SEM1: variants seen among roughly 807,000 people sequenced by gnomAD.
SEM1 encodes the protein 26S proteasome complex subunit SEM1.
In SEM1, 3 loss-of-function variants were observed where a neutral mutation model predicts 12.7. That is an observed-to-expected ratio of 0.24 (90% CI 0.11 to 0.61). SEM1 has a LOEUF of 0.61. SEM1 is among the 20% of genes least tolerant of loss of function. The probability of loss-of-function intolerance (pLI) is 0.88; values close to 1 mark genes in which losing one functional copy is unlikely to be tolerated. For missense variants in SEM1, 59 were observed against 81.3 expected (o/e 0.73, Z 1.06); for synonymous variants, 30 against 27.8 (o/e 1.08, Z -0.25).
intron 2 of SEM1, among the ~76,000 whole-genome samples, chr7:96,578,096 A>G (rs756979579): frequency 6.6e-6 from 1 of 152,148 alleles, no homozygotes; most frequent in Non-Finnish European, 1.5e-5. Flanking sequence ...AGACTTTAAC[A>G]GCTGATTGGA....
intron 2 of SEM1, among the ~76,000 whole-genome samples, chr7:96,557,840 C>G (rs539371896): frequency 2.6e-5 from 4 of 152,274 alleles, no homozygotes; most frequent in South Asian, 2.1e-4. Flanking sequence ...AGCAATCAGC[C>G]AGGCTCCGTG....
chr7:96,593,204 AAG>A (rs1200656208), intron 2 of SEM1, among the ~76,000 whole-genome samples: 3 of 152,052 alleles, frequency 2.0e-5, no homozygotes, highest in Non-Finnish European at 4.4e-5. Flanking sequence ...GGTTATGTAA[AAG>A]AGTGCATTCT....
chr7:96,558,349 C>T (rs1311055054), intron 2 of SEM1: 1 of 152,232 alleles, frequency 6.6e-6, no homozygotes, highest in Non-Finnish European at 1.5e-5. Context: ...GGGTGTTACA[C>T]ATGTGAGAAT....
chr7:96,650,682 G>GCACACA (rs112166466), intron 2 of SEM1, among the ~76,000 whole-genome samples: 32 of 151,552 alleles, frequency 2.1e-4, no homozygotes, highest in African/African-American at 7.3e-4. Context: ...ACACAGATGC[G>GCACACA]CGCACACACA....
intron 2 of SEM1, among the ~76,000 whole-genome samples, chr7:96,580,347 A>C (rs1236278509): frequency 6.8e-6 from 1 of 148,144 alleles, no homozygotes; most frequent in Non-Finnish European, 1.5e-5. Flanking sequence ...TATGTGCCAC[A>C]TTTTCTTAAT....
At chr7:96,620,419 C>T (rs375672138), downstream of SEM1, among the ~76,000 whole-genome samples, 66 of 152,298 alleles carry the variant, frequency 4.3e-4, 1 homozygote, top group East Asian at 3.1e-3. Context: ...GAATGGTGCC[C>T]AGCTGAGGCT....
At chr7:96,484,036 C>T in intron 3 of SEM1, 1 of 1,425,202 alleles carries the variant, frequency 7.0e-7, no homozygotes, top group Non-Finnish European at 9.3e-7. Context: ...CATTTGATTA[C>T]ACTTCATGCA....
At chr7:96,643,412 C>G (rs1808679457) in intron 2 of SEM1, among the ~76,000 whole-genome samples, 1 of 151,890 alleles carries the variant, frequency 6.6e-6, no homozygotes, top group Admixed American at 6.6e-5. Flanking sequence ...AGTTTTGTTA[C>G]ATAGGTATAC....
chr7:96,618,396 G>A (rs1036767900), downstream of SEM1, among the ~76,000 whole-genome samples: 1 of 152,112 alleles, frequency 6.6e-6, no homozygotes, highest in African/African-American at 2.4e-5. Flanking sequence ...TACTTGCCTG[G>A]GGATTGCTGA....
At chr7:96,483,536 A>G (rs1366161920) in exon 4 of SEM1, 9 of 340,006 alleles carry the variant, frequency 2.6e-5, no homozygotes, top group Non-Finnish European at 5.1e-5. Context: ...CTACATGTCC[A>G]TATTGCATCA....
chr7:96,541,366 T>A (rs537325664), intron 2 of SEM1, among the ~76,000 whole-genome samples: 1 of 151,766 alleles, frequency 6.6e-6, no homozygotes, highest in Non-Finnish European at 1.5e-5. Context: ...TTTATATATT[T>A]GTTTGCTGCT....
chr7:96,608,734 C>T (rs996227647), intron 2 of SEM1, among the ~76,000 whole-genome samples: 1 of 152,220 alleles, frequency 6.6e-6, no homozygotes, highest in African/African-American at 2.4e-5. Flanking sequence ...TTCATCCATG[C>T]TGTAGCATGT....
intron 2 of SEM1, among the ~76,000 whole-genome samples, chr7:96,593,058 G>A (rs2116146390): frequency 6.6e-6 from 1 of 150,972 alleles, no homozygotes; most frequent in Non-Finnish European, 1.5e-5. Context: ...CCAAGTAGGG[G>A]CCCCCATTCA....
chr7:96,623,206 A>G (rs1052661567), intron 2 of SEM1: 3 of 152,252 alleles, frequency 2.0e-5, no homozygotes, highest in African/African-American at 7.2e-5. Context: ...GATTTATACC[A>G]TCAACTTCTC....
chr7:96,634,126 A>C (rs921475976), intron 2 of SEM1, among the ~76,000 whole-genome samples: 2 of 152,150 alleles, frequency 1.3e-5, no homozygotes, highest in African/African-American at 4.8e-5. Context: ...CAGAGTCTTT[A>C]TGCTGAACCT....
At chr7:96,697,163 T>G (rs930710374) in intron 1 of SEM1, 1 of 150,116 alleles carries the variant, frequency 6.7e-6, no homozygotes, top group Non-Finnish European at 1.5e-5. Flanking sequence ...TCCAGATGTG[T>G]ACTGGTTTAA....
chr7:96,626,811 G>A (rs1195818896), intron 2 of SEM1, among the ~76,000 whole-genome samples: 2 of 152,042 alleles, frequency 1.3e-5, no homozygotes, highest in African/African-American at 2.4e-5. Flanking sequence ...GAATGAGTTT[G>A]GAAGTATTCC....
intron 1 of SEM1, among the ~76,000 whole-genome samples, chr7:96,698,395 C>G (rs949717386): frequency 8.1e-5 from 12 of 148,664 alleles, no homozygotes; most frequent in Admixed American, 6.7e-4. Flanking sequence ...AGTATTTCTC[C>G]TAATGCCATC....
chr7:96,547,524 T>C (rs924850614), intron 2 of SEM1, among the ~76,000 whole-genome samples: 1 of 152,172 alleles, frequency 6.6e-6, no homozygotes, highest in African/African-American at 2.4e-5. Flanking sequence ...AGGTGTGGGT[T>C]TTTGAACAGT....
Sources: gnomAD v4.1 joint callset for allele counts (sites outside exome capture counted in the v4.1 genomes callset) on GRCh38, gnomAD v4.1.1 for gene constraint, MANE v1.5 for transcripts, NCBI Gene and HGNC (gene_info 2026-07-23, HGNC 2026-07-21) for gene names.